KDM5B: variants seen among roughly 807,000 people sequenced by gnomAD.
The protein encoded by KDM5B is lysine demethylase 5B, also known as lysine-specific demethylase 5B.
A neutral mutation model predicts 193.4 loss-of-function variants in KDM5B; 144 were observed. The ratio of observed to expected loss-of-function variants is 0.74; its 90% CI spans 0.65 to 0.86. The LOEUF is 0.86. Among genes scored for constraint, KDM5B ranks in the 40% least tolerant of loss-of-function variants. KDM5B has a pLI of 0.00. For missense variants in KDM5B, 1,833 were observed against 1,886.9 expected (o/e 0.97, Z 0.53); for synonymous variants, 668 against 682.6 (o/e 0.98, Z 0.33).
intron 1 of KDM5B, among the ~76,000 whole-genome samples, chr1:202,798,674 T>C (rs1359750304): frequency 6.6e-6 from 1 of 151,892 alleles, no homozygotes; most frequent in Non-Finnish European, 1.5e-5. Context: ...TCCAAGGAGC[T>C]GTGATTGTGC....
chr1:202,776,381 T>C (rs1052278564), intron 2 of KDM5B, among the ~76,000 whole-genome samples: 12 of 151,996 alleles, frequency 7.9e-5, no homozygotes, highest in Non-Finnish European at 1.3e-4. Flanking sequence ...CACAATTCCA[T>C]ATAAGTGTTT....
At chr1:202,788,814 G>C (rs1169954582) in intron 1 of KDM5B, among the ~76,000 whole-genome samples, 1 of 152,118 alleles carries the variant, frequency 6.6e-6, no homozygotes, top group Non-Finnish European at 1.5e-5. Flanking sequence ...CTAGTAACTA[G>C]TTTTCATTGT....
intron 1 of KDM5B, chr1:202,797,238 GC>G (rs1425214450): frequency 6.6e-6 from 1 of 152,162 alleles, no homozygotes. Flanking sequence ...CCAGGGGTAG[GC>G]TGCCCCTCTG....
At chr1:202,770,171 ATATC>A (rs1209947575) in intron 4 of KDM5B, among the ~76,000 whole-genome samples, 1 of 152,228 alleles carries the variant, frequency 6.6e-6, no homozygotes, top group African/African-American at 2.4e-5. Context: ...ATATGGTTTT[ATATC>A]TAATGTTATT....
rs781301992 is a variant in KDM5B, at chr1:202,741,527, C to G, written c.2785G>C (p.Asp929His). 4 of 1,614,190 alleles carry G rather than the reference C, an allele frequency of 2.5e-6. No individual in the cohort carries two copies. Among genetic ancestry groups the G allele is most frequent in the East Asian group, 4.5e-5 (2 of 44,886 alleles). ...WLEEVQQACL[D>H]PSSLTLDDMR... The stretch of plus-strand genomic sequence containing the variant: ...TCATCTAAAGTAAGGGAGCTGGGGT[C>G]TAGGCAAGCTTGCTGCACCTCTTCT... Residue 929 changes from aspartate to histidine, a missense_variant, in exon 19 of 27, where the codon GAC (aspartate) becomes CAC (histidine). Physicochemically the swap from Asp to His is moderately conservative, Grantham distance 81. This residue lies in a region of KDM5B where 1,379 missense variants were observed against 1,349.6 expected (regional missense o/e 1.02). Coordinates refer to ENST00000367265, the MANE Select transcript of KDM5B (RefSeq NM_006618.5).
At chr1:202,798,081 C>G (rs1387224188) in intron 1 of KDM5B, among the ~76,000 whole-genome samples, 1 of 152,142 alleles carries the variant, frequency 6.6e-6, no homozygotes, top group Non-Finnish European at 1.5e-5. Context: ...TAGTCCCAGT[C>G]CCAGCTACTA....
intron 1 of KDM5B, among the ~76,000 whole-genome samples, chr1:202,797,759 C>G (rs890377644): frequency 1.3e-5 from 2 of 152,206 alleles, no homozygotes; most frequent in African/African-American, 2.4e-5. Context: ...TCACTGTAAA[C>G]CCTTCTTAAT....
intron 1 of KDM5B, among the ~76,000 whole-genome samples, chr1:202,804,559 A>T (rs1197588679): frequency 6.6e-6 from 1 of 152,224 alleles, no homozygotes; most frequent in African/African-American, 2.4e-5. Flanking sequence ...TCACTCAAAA[A>T]TGGTGACTGT....
chr1:202,768,844 A>G (rs1435760905), intron 4 of KDM5B, among the ~76,000 whole-genome samples: 1 of 151,024 alleles, frequency 6.6e-6, no homozygotes, highest in African/African-American at 2.4e-5. Flanking sequence ...CAGCCTCCCA[A>G]GTAGCTGGGA....
chr1:202,803,595 G>A (rs1309252273), intron 1 of KDM5B, among the ~76,000 whole-genome samples: 1 of 151,926 alleles, frequency 6.6e-6, no homozygotes, highest in African/African-American at 2.4e-5. Flanking sequence ...AGGCCGAGGT[G>A]GGTGGATCAC....
intron 7 of KDM5B, among the ~76,000 whole-genome samples, chr1:202,760,876 T>TTATA (rs1656219892): frequency 6.6e-6 from 1 of 151,996 alleles, no homozygotes; most frequent in Non-Finnish European, 1.5e-5. Context: ...GATGCTAAGG[T>TTATA]TATAGGCCAA....
Position 202,740,740 on chromosome 1 carries a change from A to T in KDM5B, c.3018T>A (p.Asn1006Lys). 6.2e-7 allele frequency: 1 copy of T among 1,613,004 alleles called. No homozygotes were observed. ...GCACTGAGTCTTTCAGAGCCGCACC[A>T]TTGGGCAGATATGCAGGGATCTCTT... ...EIEEIPAYLP[N>K]GAALKDSVQR... is the part of the protein sequence containing the mutation. The change falls in exon 20 of 27, where the codon AAT becomes AAA. Residue 1006 changes from asparagine to lysine, a missense_variant. Physicochemically the swap from Asn to Lys is moderately conservative, Grantham distance 94. This residue lies in a region of KDM5B where 1,379 missense variants were observed against 1,349.6 expected (regional missense o/e 1.02). Coordinates refer to ENST00000367265, the MANE Select transcript of KDM5B (RefSeq NM_006618.5).
At chr1:202,773,688 T>C (rs1354530074) in intron 3 of KDM5B, among the ~76,000 whole-genome samples, 1 of 151,804 alleles carries the variant, frequency 6.6e-6, no homozygotes, top group Non-Finnish European at 1.5e-5. Context: ...ATGGAAAGAA[T>C]GTAAATTTCA....
chr1:202,737,123 C>T (rs1655126965), intron 20 of KDM5B, among the ~76,000 whole-genome samples: 2 of 152,094 alleles, frequency 1.3e-5, no homozygotes, highest in South Asian at 2.1e-4. Flanking sequence ...CTGAATTACA[C>T]AAATAAAAGG....
chr1:202,798,855 TAAA>T (rs201403074), intron 1 of KDM5B, among the ~76,000 whole-genome samples: 11 of 150,690 alleles, frequency 7.3e-5, no homozygotes, highest in African/African-American at 2.4e-4. Context: ...ACCCTGTCCC[TAAA>T]AAAAAATAAT....
chr1:202,798,563 C>T (rs1558520762), intron 1 of KDM5B, among the ~76,000 whole-genome samples: 1 of 151,914 alleles, frequency 6.6e-6, no homozygotes, highest in Non-Finnish European at 1.5e-5. Flanking sequence ...ACCATCTCTA[C>T]AAAAAAATTT....
chr1:202,753,121 G>A (rs968948518), intron 11 of KDM5B, 54 bp from the exon 12 acceptor site: 2 of 1,472,810 alleles, frequency 1.4e-6, no homozygotes, highest in African/African-American at 2.8e-5. Context: ...CAAACAAAAT[G>A]GGTTACCAGT....
rs958405442 is a variant in KDM5B at position 202,749,093 on chromosome 1, C to T, written c.1868G>A (p.Arg623Gln). The change falls in exon 14 of 27, where the codon CGA (arginine) becomes CAA (glutamine). Residue 623 changes from arginine (R) to glutamine (Q), a missense_variant. Arg to Gln is a conservative substitution (Grantham distance 43). Transcript: ENST00000367265. ...QCVEHYRLLH[R>Q]YCVFSHDEMI... ...CTCATCGTGGGAAAACACACAATAT[C>T]GATGAAGCAAGCGATAATGCTCCAC... The T allele has an allele frequency of 1.2e-6, 2 of 1,614,032 alleles. No individual in the cohort carries two copies. Among genetic ancestry groups the T allele is most frequent in the Non-Finnish European group, 1.7e-6 (2 of 1,179,994 alleles).
chr1:202,734,738 T>C (rs537520579), intron 22 of KDM5B, among the ~76,000 whole-genome samples: 2 of 152,222 alleles, frequency 1.3e-5, no homozygotes, highest in South Asian at 2.1e-4. Flanking sequence ...TGTGTCAAAA[T>C]ACCTAAATAA....
Sources: gnomAD v4.1 joint callset for allele counts (sites outside exome capture counted in the v4.1 genomes callset) on GRCh38, gnomAD v4.1.1 for gene constraint, gnomAD v4.1.1 regional missense constraint, MANE v1.5 for transcripts, NCBI Gene and HGNC (gene_info 2026-07-23, HGNC 2026-07-21) for gene names.